Variants in FSHR observed in about 807,000 individuals in gnomAD.
FSHR encodes follicle-stimulating hormone receptor.
FSHR carries 46 observed loss-of-function variants against 52.1 expected under a neutral mutation model. The ratio of observed to expected loss-of-function variants is 0.88; its 90% confidence interval spans 0.70 to 1.13. The LOEUF (loss-of-function observed/expected upper bound fraction) is 1.13. Ranked by LOEUF, FSHR falls within the 50% of genes most tolerant of loss-of-function variation. The probability of loss-of-function intolerance (pLI) is 0.00; values close to 1 mark genes in which losing one functional copy is unlikely to be tolerated. For synonymous variants in FSHR, 399 were observed against 309.6 expected (o/e 1.29, Z -3.03); for missense variants, 964 against 834.6 (o/e 1.16, Z -1.91).
Position 49,068,284 on chromosome 2 carries a change from A to T in FSHR, c.159T>A (p.Phe53Leu). ...GGATGACTCGAAGCTTGGTGAGGAC[A>T]AACCTCCTGCAAAGAGAGTAGAAAT... ...DLPRNAIELR[F>L]VLTKLRVIQK... Residue 53 changes from phenylalanine to leucine, a missense_variant, in exon 2 of 10, where the codon TTT (phenylalanine) becomes TTA (leucine). By Grantham distance (22) the Phe-to-Leu change is conservative (BLOSUM62 0). Transcript: ENST00000406846. 6.2e-7 allele frequency: 1 copy of T among 1,611,458 alleles called. No individual in the cohort carries two copies. Among genetic ancestry groups the T allele is most frequent in the Non-Finnish European group, 8.5e-7 (1 of 1,178,336 alleles).
Position 49,127,899 on chromosome 2 carries a change from T to TC in FSHR, c.152+26366_152+26367insG, listed in dbSNP as rs1672120836. On this transcript the variant is annotated intron_variant, in intron 1 of 9. Transcript: ENST00000406846. ...CTTCTTCTTCTTCTTCTTCTTCTTCTTTTTTTTTTTTGAGACGGAGTCTTA... is the reference window on the plus strand; with the variant it reads ...CTTCTTCTTCTTCTTCTTCTTCTTCTCTTTTTTTTTTTGAGACGGAGTCTTA... 1.7e-4 allele frequency among the ~76,000 whole-genome samples: 5 copies of TC among 29,358 alleles called. 1 individual carries two copies. The highest frequency in any genetic ancestry group is 8.7e-4 in the African/African-American group (4 of 4,612). 19.3% of individuals were successfully genotyped at this position (29,358 alleles called of 152,430 possible).
intron 4 of FSHR, among the ~76,000 whole-genome samples, chr2:48,991,142 G>C (rs1675756708): frequency 6.6e-6 from 1 of 152,096 alleles, no homozygotes. Context: ...TAGAGCTTCT[G>C]CTGTCATTAC....
At chr2:48,971,018 A>G (rs1559079830) in intron 8 of FSHR, among the ~76,000 whole-genome samples, 2 of 152,156 alleles carry the variant, frequency 1.3e-5, no homozygotes, top group Non-Finnish European at 2.9e-5. Flanking sequence ...ATGACCATCT[A>G]TTGCAATCTT....
chr2:49,084,236 T>G (rs1220219182), intron 1 of FSHR, among the ~76,000 whole-genome samples: 1 of 89,314 alleles, frequency 1.1e-5, no homozygotes, highest in Non-Finnish European at 2.4e-5. Flanking sequence ...AACCTGCCCC[T>G]GAATGACTAC....
rs1673024426 is a variant in FSHR at position 49,150,506 on chromosome 2, G to A, written c.152+3760C>T. Among the ~76,000 whole-genome samples, 5 of 152,050 alleles carry A rather than the reference G, an allele frequency of 3.3e-5. 1 individual carries two copies. The South Asian group carries it at 1.0e-3, about 31-fold the overall frequency. On this transcript the variant is annotated intron_variant, in intron 1 of 9. Coordinates refer to ENST00000406846, the MANE Select transcript of FSHR (RefSeq NM_000145.4). The stretch of plus-strand genomic sequence containing the variant: ...AACAACATGAGAGATATTGTGCAAA[G>A]TGTTTCACCCACATTGTCTCATGTA...
intron 2 of FSHR, among the ~76,000 whole-genome samples, chr2:49,059,248 G>A (rs745530066): frequency 1.7e-4 from 26 of 151,692 alleles, no homozygotes; most frequent in Admixed American, 2.6e-4. Flanking sequence ...CAACAATGCC[G>A]TCATTCACAG....
At position 48,979,603 on chromosome 2, in the gene FSHR, A is replaced by G. The variant is rs557656066; in HGVS notation, c.668+3309T>C. 3.9e-5 allele frequency among the ~76,000 whole-genome samples: 6 copies of G among 152,208 alleles called. No homozygotes were observed. In the East Asian group the frequency reaches 5.8e-4, roughly 15 times the overall value. On this transcript the variant is annotated intron_variant, in intron 8 of 9. Coordinates refer to ENST00000406846, the MANE Select transcript of FSHR (RefSeq NM_000145.4). ...CCTCCCCAGGGACAGCCTGCACCCA[A>G]TAATTCTTGATATGGAGGACTTGCC...
At chr2:49,021,609 G>C (rs959321611) in intron 2 of FSHR, among the ~76,000 whole-genome samples, 1 of 151,716 alleles carries the variant, frequency 6.6e-6, no homozygotes. Context: ...GCAGTCTGCT[G>C]GTGCATCTGT....
intron 1 of FSHR, among the ~76,000 whole-genome samples, chr2:49,068,922 C>T (rs1464702053): frequency 6.6e-6 from 1 of 152,100 alleles, no homozygotes; most frequent in Non-Finnish European, 1.5e-5. Flanking sequence ...AGACACATTT[C>T]ATTCACCTTT....
intron 4 of FSHR, among the ~76,000 whole-genome samples, chr2:49,008,929 C>G (rs1187557962): frequency 6.6e-6 from 1 of 151,892 alleles, no homozygotes; most frequent in African/African-American, 2.4e-5. Flanking sequence ...GGATACTAGC[C>G]CTTTGTCAGA....
intron 1 of FSHR, among the ~76,000 whole-genome samples, chr2:49,130,970 T>C (rs1254694976): frequency 6.6e-6 from 1 of 152,116 alleles, no homozygotes; most frequent in Non-Finnish European, 1.5e-5. Flanking sequence ...CTCTATTTAG[T>C]ACAAAAAAAT....
chr2:49,073,225 A>G (rs1427434329), intron 1 of FSHR, among the ~76,000 whole-genome samples: 1 of 152,222 alleles, frequency 6.6e-6, no homozygotes. Flanking sequence ...TAGGCAAGAG[A>G]AAGAAATAAA....
At chr2:49,040,348 T>C (rs1237534376) in intron 2 of FSHR, among the ~76,000 whole-genome samples, 2 of 152,152 alleles carry the variant, frequency 1.3e-5, no homozygotes, top group Non-Finnish European at 2.9e-5. Flanking sequence ...CTCCCTATCC[T>C]TCTAACCCTG....
intron 1 of FSHR, among the ~76,000 whole-genome samples, chr2:49,120,395 G>A (rs1275994939): frequency 6.6e-6 from 1 of 152,202 alleles, no homozygotes; most frequent in African/African-American, 2.4e-5. Context: ...AATGTGTTAT[G>A]TTTCCCTGTG....
At chr2:49,126,235 A>T (rs1381363461) in intron 1 of FSHR, among the ~76,000 whole-genome samples, 1 of 152,000 alleles carries the variant, frequency 6.6e-6, no homozygotes, top group Non-Finnish European at 1.5e-5. Flanking sequence ...TGAGGGTCCC[A>T]TGTCTGTCAA....
At chr2:48,967,822 A>G (rs1013777019) in intron 9 of FSHR, among the ~76,000 whole-genome samples, 18 of 152,220 alleles carry the variant, frequency 1.2e-4, no homozygotes, top group Non-Finnish European at 1.9e-4. Flanking sequence ...ACTGTGTTAA[A>G]CAGAGAAATA....
intron 2 of FSHR, among the ~76,000 whole-genome samples, chr2:49,047,146 G>A (rs1440749893): frequency 6.6e-6 from 1 of 152,060 alleles, no homozygotes; most frequent in African/African-American, 2.4e-5. Flanking sequence ...GTTGTTTTGG[G>A]ACTTGGTGCT....
intron 1 of FSHR, among the ~76,000 whole-genome samples, chr2:49,096,567 A>C (rs1188102988): frequency 6.6e-6 from 1 of 152,232 alleles, no homozygotes; most frequent in Non-Finnish European, 1.5e-5. Context: ...TGCACTAAGA[A>C]TCACTTAATT....
intron 3 of FSHR, 119 bp from the exon 4 acceptor site, chr2:49,017,682 TCATCCATCCATC>T: frequency 1.3e-6 from 1 of 756,500 alleles, no homozygotes; most frequent in South Asian, 1.5e-5. Context: ...ACCCATCTAT[TCATCCATCCATC>T]CATCCATCCA....
Sources: gnomAD v4.1 joint callset for allele counts (sites outside exome capture counted in the v4.1 genomes callset) on GRCh38, gnomAD v4.1.1 for gene constraint, MANE v1.5 for transcripts, NCBI Gene and HGNC (gene_info 2026-07-23, HGNC 2026-07-21) for gene names.